OPCML: variants seen among roughly 807,000 people sequenced by gnomAD.
OPCML encodes opioid-binding protein/cell adhesion molecule.
In OPCML, 13 loss-of-function variants were observed where a neutral mutation model predicts 37.8. The observed-to-expected ratio is 0.34, with a 90% CI of 0.22 to 0.55. The LOEUF is 0.55. OPCML is among the 20% of genes least tolerant of loss of function. OPCML has a pLI of 0.91. For synonymous variants in OPCML, 176 were observed against 168.8 expected, an observed-to-expected ratio of 1.04 and a Z score of -0.33; for missense variants, 341 against 435.6, an observed-to-expected ratio of 0.78 and a Z score of 1.93.
intron 4 of OPCML, among the ~76,000 whole-genome samples, chr11:132,521,039 T>C (rs2096292048): frequency 6.6e-6 from 1 of 152,034 alleles, no homozygotes; most frequent in Admixed American, 6.6e-5. Context: ...TCCACAACCA[T>C]TCATTGTTTC....
intron 2 of OPCML, among the ~76,000 whole-genome samples, chr11:132,923,755 ATTTTT>A (rs71038509): frequency 2.1e-4 from 19 of 92,098 alleles, no homozygotes; most frequent in African/African-American, 5.0e-4. Flanking sequence ...AGTTACTTGA[ATTTTT>A]TTTTTTTTTT....
intron 1 of OPCML, among the ~76,000 whole-genome samples, chr11:133,269,580 G>C (rs1209466610): frequency 6.6e-6 from 1 of 151,928 alleles, no homozygotes. Context: ...TCTTTTTCTG[G>C]TTGAAAAAAT....
rs892265511 is a variant in OPCML at position 132,760,628 on chromosome 11, CT to C, written c.147-103310del. On this transcript the variant is annotated intron_variant, in intron 2 of 7. Coordinates refer to ENST00000524381, the MANE Select transcript of OPCML (RefSeq NM_001012393.5). ...TCAGAGACTAGGATTGCAACATTTG[CT>C]TTTTTTTTTCTTTTCATTTTCTTGG... is the stretch of plus-strand genomic sequence containing the variant. Among the ~76,000 whole-genome samples, 22 of 138,478 alleles carry C rather than the reference CT, an allele frequency of 1.6e-4. No individual in the cohort carries two copies. The South Asian group carries it at 1.9e-3, about 12-fold the overall frequency. The allele number at this position is 138,478 out of a possible 152,430, so 90.8% of individuals were successfully genotyped here.
intron 1 of OPCML, chr11:133,439,465 T>C (rs1946313746): frequency 2.0e-6 from 2 of 983,480 alleles, no homozygotes; most frequent in Non-Finnish European, 2.4e-6. Context: ...TTTTTCTTTG[T>C]TTTTGTTTTT....
intron 1 of OPCML, among the ~76,000 whole-genome samples, chr11:133,459,940 T>G (rs1049117504): frequency 6.6e-6 from 1 of 152,000 alleles, no homozygotes; most frequent in East Asian, 1.9e-4. Context: ...GTGCACTTGG[T>G]GCACTCTTCA....
chr11:132,634,180 G>A (rs1246030407), intron 3 of OPCML, among the ~76,000 whole-genome samples: 3 of 152,206 alleles, frequency 2.0e-5, no homozygotes, highest in African/African-American at 7.2e-5. Context: ...GCCTGGCTAT[G>A]CCCAGCCTGG....
chr11:133,511,591 C>T (rs894722338), intron 1 of OPCML, among the ~76,000 whole-genome samples: 1 of 152,110 alleles, frequency 6.6e-6, no homozygotes, highest in South Asian at 2.1e-4. Flanking sequence ...TCCTTTACCC[C>T]TTTCACATCT....
At chr11:132,992,047 T>A (rs1483062563) in intron 1 of OPCML, among the ~76,000 whole-genome samples, 1 of 152,004 alleles carries the variant, frequency 6.6e-6, no homozygotes, top group African/African-American at 2.4e-5. Context: ...AAGGAGTAGG[T>A]TGGACCAATA....
chr11:133,218,687 C>T (rs1418468018), intron 1 of OPCML, among the ~76,000 whole-genome samples: 1 of 152,128 alleles, frequency 6.6e-6, no homozygotes, highest in Non-Finnish European at 1.5e-5. Context: ...GCCTACCCTA[C>T]TCCAGGGATT....
intron 1 of OPCML, among the ~76,000 whole-genome samples, chr11:133,531,221 T>C (rs1018444713): frequency 6.6e-6 from 1 of 152,232 alleles, no homozygotes; most frequent in Non-Finnish European, 1.5e-5. Flanking sequence ...CATTCAGTTG[T>C]CTGCTTGCAA....
rs570780789 is a variant in OPCML, at chr11:132,680,572, G to A, written c.147-23253C>T. On this transcript the variant is annotated intron_variant, in intron 2 of 7. Transcript: ENST00000524381. Reference sequence around the variant, plus strand: ...TGCAGGCGCAGTCAAGTAAGAAGATGAGTGGAAGAGGGAGCTGGGGCGGCT... The same window carrying A: ...TGCAGGCGCAGTCAAGTAAGAAGATAAGTGGAAGAGGGAGCTGGGGCGGCT... 2.8e-3 allele frequency among the ~76,000 whole-genome samples: 434 copies of A among 152,342 alleles called. 2 individuals are homozygous for A. The highest frequency in any genetic ancestry group is 9.2e-3 in the African/African-American group (383 of 41,576).
intron 1 of OPCML, among the ~76,000 whole-genome samples, chr11:133,387,554 G>T (rs1159132035): frequency 6.6e-6 from 1 of 152,230 alleles, no homozygotes; most frequent in Non-Finnish European, 1.5e-5. Flanking sequence ...CTCACCGGTT[G>T]TGTAAACTTG....
intron 2 of OPCML, among the ~76,000 whole-genome samples, chr11:132,771,212 C>A (rs1379156732): frequency 6.6e-6 from 1 of 152,218 alleles, no homozygotes; most frequent in Non-Finnish European, 1.5e-5. Flanking sequence ...GAGCCATCCA[C>A]CTCAGAAGAG....
intron 3 of OPCML, among the ~76,000 whole-genome samples, chr11:132,622,098 T>G (rs1247354323): frequency 2.0e-5 from 3 of 151,894 alleles, no homozygotes; most frequent in Non-Finnish European, 2.9e-5. Flanking sequence ...TCACACAGAC[T>G]GCTAAAAAAT....
chr11:133,475,024 G>A (rs1011200767), intron 1 of OPCML, among the ~76,000 whole-genome samples: 1 of 152,152 alleles, frequency 6.6e-6, no homozygotes, highest in Non-Finnish European at 1.5e-5. Context: ...TTGGCAATCC[G>A]TGGGACATGC....
At chr11:133,351,434 T>C (rs1944134178) in intron 1 of OPCML, among the ~76,000 whole-genome samples, 1 of 152,108 alleles carries the variant, frequency 6.6e-6, no homozygotes, top group South Asian at 2.1e-4. Context: ...CAACAAGAAA[T>C]AAACCCCAAA....
chr11:132,451,610 A>T (rs11223079), intron 4 of OPCML, among the ~76,000 whole-genome samples: 1 of 152,008 alleles, frequency 6.6e-6, no homozygotes, highest in Non-Finnish European at 1.5e-5. Context: ...GTTTAGGAGC[A>T]CTGAGGGGAT....
At chr11:132,475,863 G>A (rs112053457) in intron 4 of OPCML, among the ~76,000 whole-genome samples, 1,748 of 152,222 alleles carry the variant, frequency 0.011, 24 homozygotes, top group African/African-American at 0.037. Flanking sequence ...CATATGAACA[G>A]GTATATATAC....
chr11:133,362,603 G>A (rs1054323960), intron 1 of OPCML, among the ~76,000 whole-genome samples: 4 of 152,200 alleles, frequency 2.6e-5, no homozygotes, highest in Non-Finnish European at 5.9e-5. Flanking sequence ...TAAATGGAAC[G>A]GGAGACGTGG....
Sources: allele counts gnomAD v4.1 joint callset (sites outside exome capture counted in the v4.1 genomes callset), GRCh38; gene constraint gnomAD v4.1.1; transcripts MANE v1.5; gene names NCBI Gene and HGNC (gene_info 2026-07-23, HGNC 2026-07-21).